Variants in TRIM40 observed in about 807,000 individuals in gnomAD.
TRIM40 encodes E3 ubiquitin ligase TRIM40.
In TRIM40, 27 loss-of-function variants were observed where a neutral mutation model predicts 26.1. That is an observed-to-expected ratio of 1.04 (90% CI 0.76 to 1.43). The LOEUF is 1.43. Among genes scored for constraint, TRIM40 ranks in the 40% most tolerant of loss-of-function variants. The pLI is 0.00. For synonymous variants in TRIM40, 114 were observed against 120.0 expected, an observed-to-expected ratio of 0.95 and a Z score of 0.33; for missense variants, 289 against 307.9, an observed-to-expected ratio of 0.94 and a Z score of 0.46.
chr6:30,138,249 T>C (rs561329363), intron 2 of TRIM40, among the ~76,000 whole-genome samples: 1 of 152,234 alleles, frequency 6.6e-6, no homozygotes, highest in Non-Finnish European at 1.5e-5. Flanking sequence ...TGGCAGACAT[T>C]GGGTCATTTC....
chr6:30,136,655 T>G, intron 1 of TRIM40, 78 bp from the exon 2 acceptor site: 2 of 243,966 alleles, frequency 8.2e-6, no homozygotes, highest in Non-Finnish European at 1.6e-5. Flanking sequence ...CCCTTTTAAT[T>G]TGGGGCCCGT....
intron 2 of TRIM40, among the ~76,000 whole-genome samples, chr6:30,143,359 G>A (rs1243931850): frequency 2.0e-5 from 3 of 150,170 alleles, no homozygotes. Context: ...TTGTGTGAGT[G>A]ATGTTGTTTT....
rs1448374896 is a variant in TRIM40, at chr6:30,147,737, G to A, written c.702G>A (p.Gln234=). 1.2e-6 allele frequency: 2 copies of A among 1,614,058 alleles called. No individual in the cohort carries two copies. The highest frequency in any genetic ancestry group is 1.3e-5 in the African/African-American group (1 of 74,930). Residue 234 remains glutamine (Q), a synonymous_variant, in exon 6 of 6, where the codon CAG becomes CAA. Transcript: ENST00000396581. ...AGDLLNRSAP[Q]KLEVIYPQLE... is the part of the protein sequence containing the mutation. ...TCTTTGTTTCTAGGAGTGCTCCACA[G>A]AAATTAGAGGTTATTTATCCCCAGT...
At chr6:30,138,066 TACAC>T (rs9278588) in intron 2 of TRIM40, among the ~76,000 whole-genome samples, 1,439 of 112,494 alleles carry the variant, frequency 0.013, 12 homozygotes, top group Middle Eastern at 0.034. Context: ...AATGCACTCT[TACAC>T]ACACACACAC....
chr6:30,142,153 T>C (rs990911752), intron 2 of TRIM40, among the ~76,000 whole-genome samples: 1 of 152,198 alleles, frequency 6.6e-6, no homozygotes, highest in East Asian at 1.9e-4. Context: ...GAATTAAACT[T>C]TGTAGTTAAG....
intron 2 of TRIM40, among the ~76,000 whole-genome samples, chr6:30,144,800 G>A (rs1771550172): frequency 6.6e-6 from 1 of 152,198 alleles, no homozygotes; most frequent in Non-Finnish European, 1.5e-5. Context: ...GTGAGTAGAT[G>A]CAAGCGGTGA....
At chr6:30,142,364 G>C (rs561434317) in intron 2 of TRIM40, among the ~76,000 whole-genome samples, 29 of 152,296 alleles carry the variant, frequency 1.9e-4, no homozygotes, top group African/African-American at 7.0e-4. Context: ...TACTTTGCTT[G>C]ATTATGAATG....
chr6:30,140,691 C>A (rs9261483), intron 2 of TRIM40, among the ~76,000 whole-genome samples: 34,634 of 151,910 alleles, frequency 0.23, 4,285 homozygotes, highest in East Asian at 0.27. Context: ...CATGTTCTGT[C>A]CATGTGCCCC....
intron 2 of TRIM40, among the ~76,000 whole-genome samples, chr6:30,140,693 A>G (rs1464145429): frequency 6.6e-6 from 1 of 152,152 alleles, no homozygotes; most frequent in African/African-American, 2.4e-5. Flanking sequence ...TGTTCTGTCC[A>G]TGTGCCCCAG....
chr6:30,137,140 G>C lies in TRIM40; in HGVS notation c.104G>C (p.Arg35Pro), dbSNP rs766862389. The C allele has an allele frequency of 3.1e-6, 5 of 1,613,076 alleles. No homozygotes were observed. In the East Asian group the frequency reaches 6.7e-5, roughly 22 times the overall value. ...VSTNCGHLFCRVCLTQHVEKA... is the reference protein window; with the variant it reads ...VSTNCGHLFCPVCLTQHVEKA... ...ACCAACTGCGGACATCTCTTCTGTCGAGTGTGCCTGACACAGCATGTGGAG... is the reference window on the plus strand; with the variant it reads ...ACCAACTGCGGACATCTCTTCTGTCCAGTGTGCCTGACACAGCATGTGGAG... The change falls in exon 2 of 6, where the codon CGA (arginine) becomes CCA (proline). Residue 35 changes from arginine to proline, a missense_variant. Physicochemically the swap from Arg to Pro is moderately radical, Grantham distance 103 (BLOSUM62 -2). Coordinates refer to ENST00000396581, the MANE Select transcript of TRIM40 (RefSeq NM_001286633.2).
Position 30,148,045 on chromosome 6 carries a change from T to C in TRIM40, c.*233T>C. On this transcript the variant is annotated 3_prime_UTR_variant, in exon 6 of 6. Coordinates refer to ENST00000396581, the MANE Select transcript of TRIM40 (RefSeq NM_001286633.2). ...AGGCTCATGCTTGGGGCTGCCACTG[T>C]GGAGGTCGGGGCCCATGGTCTCCAG... 1.7e-6 allele frequency: 1 copy of C among 586,348 alleles called. No homozygotes were observed. The highest frequency in any genetic ancestry group is 2.2e-5 in the South Asian group (1 of 46,050). The allele number at this position is 586,348 out of a possible 1,614,324, so 36.3% of individuals were successfully genotyped here.
At position 30,147,218 on chromosome 6, in the gene TRIM40, C is replaced by A. The variant is rs1432055620; in HGVS notation, c.666+9C>A. On this transcript the variant is annotated intron_variant, in intron 4 of 5. Transcript: ENST00000396581. ...ACACCAACACACTGAAGGTGCATAC[C>A]CTGAGGCCTTCCCCAAGGGCTGGGA... 6.2e-7 allele frequency: 1 copy of A among 1,613,918 alleles called. No homozygotes were observed. Among genetic ancestry groups the A allele is most frequent in the Admixed American group, 1.7e-5 (1 of 60,016 alleles).
At chr6:30,144,572 G>A (rs941631689) in intron 2 of TRIM40, among the ~76,000 whole-genome samples, 4 of 152,194 alleles carry the variant, frequency 2.6e-5, no homozygotes, top group Non-Finnish European at 4.4e-5. Context: ...AAAAAATGAA[G>A]AGGCAAAGAA....
intron 2 of TRIM40, among the ~76,000 whole-genome samples, chr6:30,141,264 G>A (rs1323300192): frequency 1.3e-5 from 2 of 152,244 alleles, no homozygotes; most frequent in African/African-American, 4.8e-5. Flanking sequence ...AAGAGAGTGA[G>A]GCTGGAGTGA....
intron 2 of TRIM40, 94 bp downstream of exon 2, chr6:30,137,475 A>C: frequency 2.2e-5 from 22 of 1,019,920 alleles, no homozygotes; most frequent in African/African-American, 3.2e-5. Context: ...AGAGTAGCTC[A>C]ACAATGGACA....
Position 30,147,155 on chromosome 6 carries a change from C to A in TRIM40, c.612C>A (p.Ser204Arg), listed in dbSNP as rs375770687. The part of the protein sequence containing the change: ...DISRAVTQLR[S>R]LVIDLERTAK... The stretch of plus-strand genomic sequence containing the variant: ...CCAGGGCAGTAACACAGCTCAGAAG[C>A]CTGGTCATTGATCTGGAAAGGACGG... The change falls in exon 4 of 6, where the codon AGC becomes AGA. Residue 204 changes from serine to arginine, a missense_variant. Physicochemically the swap from Ser to Arg is moderately radical, Grantham distance 110 (BLOSUM62 -1). Coordinates refer to ENST00000396581, the MANE Select transcript of TRIM40 (RefSeq NM_001286633.2). 1.9e-6 allele frequency: 3 copies of A among 1,614,220 alleles called. No homozygotes were observed. The Admixed American group carries it at 5.0e-5, about 27-fold the overall frequency.
In TRIM40 at chr6:30,147,083, C is replaced by T; in HGVS notation, c.540C>T (p.Gly180=). Residue 180 remains glycine (G), a synonymous_variant, in exon 4 of 6, where the codon GGC becomes GGT. Transcript: ENST00000396581. ...GTGCCCTCCCTCAGCAGTGGCTGGG[C>T]CAGCTGGAGCACATGCCAGCAGAAG... ...QLGALPQQWL[G]QLEHMPAEAA... is the part of the protein sequence containing the mutation. 6.2e-7 allele frequency: 1 copy of T among 1,612,556 alleles called. No individual in the cohort carries two copies. Among genetic ancestry groups the T allele is most frequent in the Non-Finnish European group, 8.5e-7 (1 of 1,179,782 alleles).
intron 3 of TRIM40, among the ~76,000 whole-genome samples, chr6:30,146,746 C>T (rs1029534587): frequency 6.6e-6 from 1 of 152,216 alleles, no homozygotes; most frequent in African/African-American, 2.4e-5. Flanking sequence ...GACAGTCTAC[C>T]TTTCTATTCC....
chr6:30,136,977 C>A lies in TRIM40; in HGVS notation c.-60C>A. The A allele has an allele frequency of 6.5e-7, 1 of 1,542,434 alleles. No homozygotes were observed. Among genetic ancestry groups the A allele is most frequent in the Non-Finnish European group, 8.8e-7 (1 of 1,135,246 alleles). On this transcript the variant is annotated 5_prime_UTR_variant, in exon 2 of 6. Transcript: ENST00000396581. ...GGACTGTTGAGGGCAACAGGCCTTC[C>A]GAAGACCAGTGAAGAAGGAGGCCCT...
Sources: gnomAD v4.1 joint callset for allele counts (sites outside exome capture counted in the v4.1 genomes callset) on GRCh38, gnomAD v4.1.1 for gene constraint, MANE v1.5 for transcripts, NCBI Gene and HGNC (gene_info 2026-07-23, HGNC 2026-07-21) for gene names.